The following ARHGAP22 variants were observed in gnomAD, a reference collection of about 807,000 sequenced individuals.
The protein encoded by ARHGAP22 is rho GTPase-activating protein 22.
Under a neutral mutation model 59.1 loss-of-function variants are expected in ARHGAP22, and 48 were observed. The observed-to-expected ratio is 0.81, with a 90% CI of 0.64 to 1.03. The LOEUF (loss-of-function observed/expected upper bound fraction) is 1.03. ARHGAP22 is among the 50% of genes least tolerant of loss of function. The pLI is 0.00. For synonymous variants in ARHGAP22, 445 were observed against 416.4 expected (o/e 1.07, Z -0.84); for missense variants, 1,015 against 958.7 (o/e 1.06, Z -0.78).
intron 3 of ARHGAP22, among the ~76,000 whole-genome samples, chr10:48,511,826 G>C (rs1233990116): frequency 6.6e-6 from 1 of 152,252 alleles, no homozygotes; most frequent in Non-Finnish European, 1.5e-5. Flanking sequence ...CACTGAACCA[G>C]CTTGTCAAGA....
chr10:48,454,754 C>T (rs2046324467), intron 6 of ARHGAP22, among the ~76,000 whole-genome samples: 1 of 152,146 alleles, frequency 6.6e-6, no homozygotes, highest in African/African-American at 2.4e-5. Flanking sequence ...TCCCAGGGAC[C>T]AAGGCCGCAG....
chr10:48,525,290 C>T (rs1379519106), intron 3 of ARHGAP22, among the ~76,000 whole-genome samples: 2 of 152,174 alleles, frequency 1.3e-5, no homozygotes, highest in Non-Finnish European at 1.5e-5. Flanking sequence ...AAAGAATCAT[C>T]GGCCGGGCAT....
intron 4 of ARHGAP22, 152 bp downstream of exon 4, chr10:48,479,484 T>C (rs2049065535): frequency 7.0e-7 from 1 of 1,429,646 alleles, no homozygotes; most frequent in Non-Finnish European, 9.4e-7. Flanking sequence ...TCCCGAGGGC[T>C]GGCAGTGGAA....
At chr10:48,572,813 G>T (rs1449926253) in intron 2 of ARHGAP22, among the ~76,000 whole-genome samples, 2 of 152,182 alleles carry the variant, frequency 1.3e-5, no homozygotes, top group African/African-American at 4.8e-5. Flanking sequence ...TATAAATTGT[G>T]TGATTTTTAA....
At position 48,539,290 on chromosome 10, in the gene ARHGAP22, C is replaced by CTTT. The variant is rs553835954; in HGVS notation, c.322+16172_322+16173insAAA. The stretch of plus-strand genomic sequence containing the variant: ...CTAACAATTAGTATGAGAAGGGTAA[C>CTTT]ATTTTTTTTTTTTTTTTTTGAGACG... On this transcript the variant is annotated intron_variant, in intron 3 of 9. Transcript: ENST00000249601. Among the ~76,000 whole-genome samples, 163 of 129,314 alleles carry CTTT rather than the reference C, an allele frequency of 1.3e-3. 23 individuals are homozygous for CTTT. Among genetic ancestry groups the CTTT allele is most frequent in the Middle Eastern group, 0.013 (3 of 240 alleles). 84.8% of individuals were successfully genotyped at this position (129,314 alleles called of 152,430 possible).
intron 3 of ARHGAP22, among the ~76,000 whole-genome samples, chr10:48,537,397 C>T (rs1276967710): frequency 6.6e-6 from 1 of 152,216 alleles, no homozygotes; most frequent in African/African-American, 2.4e-5. Flanking sequence ...GGCTCACATC[C>T]CTCTCCAGCC....
the ARHGAP22 span, chr10:48,437,498 A>G: frequency 4.6e-5 from 7 of 152,200 alleles, no homozygotes; most frequent in African/African-American, 1.7e-4. Flanking sequence ...TATTTTGACC[A>G]AGATTTTTAT....
chr10:48,430,894 C>T, the ARHGAP22 span: 1 of 403,576 alleles, frequency 2.5e-6, no homozygotes, highest in South Asian at 2.5e-5. Context: ...TGTGCTGTAG[C>T]ACAAGTTGCT....
intron 3 of ARHGAP22, among the ~76,000 whole-genome samples, chr10:48,548,756 G>A (rs2056665222): frequency 1.3e-5 from 2 of 152,228 alleles, no homozygotes; most frequent in Non-Finnish European, 2.9e-5. Context: ...TCAAAGGGCT[G>A]GGAGGGGCAG....
downstream of ARHGAP22, among the ~76,000 whole-genome samples, chr10:48,443,436 A>T (rs1257933191): frequency 6.6e-6 from 1 of 152,048 alleles, no homozygotes; most frequent in African/African-American, 2.4e-5. Context: ...ACTGCAACAC[A>T]TTGTGAGACC....
At chr10:48,563,187 A>AT (rs558735630) in intron 2 of ARHGAP22, among the ~76,000 whole-genome samples, 123 of 104,206 alleles carry the variant, frequency 1.2e-3, no homozygotes, top group African/African-American at 4.2e-3. Flanking sequence ...ATCCAGGATA[A>AT]TTTTTTTTTT....
chr10:48,459,388 C>A (rs2046913396), intron 5 of ARHGAP22, among the ~76,000 whole-genome samples: 1 of 152,232 alleles, frequency 6.6e-6, no homozygotes, highest in Admixed American at 6.5e-5. Context: ...CTGGTCAGTC[C>A]TCACATGGGA....
At chr10:48,602,035 A>G (rs879574603) in intron 1 of ARHGAP22, among the ~76,000 whole-genome samples, 1 of 152,246 alleles carries the variant, frequency 6.6e-6, no homozygotes, top group Admixed American at 6.5e-5. Flanking sequence ...CTGGGCGACC[A>G]TGATTCTTCT....
chr10:48,437,917 T>G, the ARHGAP22 span: 3 of 152,190 alleles, frequency 2.0e-5, no homozygotes, highest in African/African-American at 7.2e-5. Context: ...GTCTAAAAGA[T>G]GGAGGGAAGA....
At chr10:48,650,400 A>C (rs1206949869) in intron 1 of ARHGAP22, among the ~76,000 whole-genome samples, 1 of 152,150 alleles carries the variant, frequency 6.6e-6, no homozygotes, top group African/African-American at 2.4e-5. Context: ...TGGAGGCAGA[A>C]CACAGATTGA....
At position 48,577,801 on chromosome 10, in the gene ARHGAP22, G is replaced by GTTTTTTTTTTTTTTTTTTTTTTTT. The variant is rs34557935; in HGVS notation, c.234+5128_234+5151dup. Among the ~76,000 whole-genome samples the GTTTTTTTTTTTTTTTTTTTTTTTT allele has an allele frequency of 1.2e-4, 7 of 59,164 alleles. 1 individual carries two copies. Among genetic ancestry groups the GTTTTTTTTTTTTTTTTTTTTTTTT allele is most frequent in the South Asian group, 2.7e-3 (2 of 728 alleles). The allele number at this position is 59,164 out of a possible 152,430, so 38.8% of individuals were successfully genotyped here. On this transcript the variant is annotated intron_variant, in intron 2 of 9. Transcript: ENST00000249601. Reference sequence around the variant, plus strand: ...TCTGAGATCTAACTGCTCTTTTTTGGTTTTTTTTTTTTTTTTTTTTTTTTT... The same window carrying GTTTTTTTTTTTTTTTTTTTTTTTT: ...TCTGAGATCTAACTGCTCTTTTTTGGTTTTTTTTTTTTTTTTTTTTTTTTTTTTTTTTTTTTTTTTTTTTTTTTT...
intron 1 of ARHGAP22, among the ~76,000 whole-genome samples, chr10:48,633,193 C>T (rs561200549): frequency 6.6e-5 from 10 of 152,332 alleles, no homozygotes; most frequent in African/African-American, 2.4e-4. Flanking sequence ...CCTTAGGAAA[C>T]TTTTGAGATC....
intron 3 of ARHGAP22, among the ~76,000 whole-genome samples, chr10:48,528,894 C>T (rs1174060010): frequency 6.6e-6 from 1 of 152,146 alleles, no homozygotes; most frequent in Non-Finnish European, 1.5e-5. Context: ...TGTAAACTTC[C>T]TGAGGCCTCC....
chr10:48,635,892 T>C (rs1015464312), intron 1 of ARHGAP22, among the ~76,000 whole-genome samples: 5 of 152,218 alleles, frequency 3.3e-5, no homozygotes, highest in Non-Finnish European at 7.3e-5. Context: ...TTCAGTTTTC[T>C]CCTCTGTAAA....
Sources: allele counts gnomAD v4.1 joint callset (sites outside exome capture counted in the v4.1 genomes callset), GRCh38; gene constraint gnomAD v4.1.1; transcripts MANE v1.5; gene names NCBI Gene and HGNC (gene_info 2026-07-23, HGNC 2026-07-21).